ZFHX3: variants seen among roughly 807,000 people sequenced by gnomAD.
ZFHX3 encodes zinc finger homeobox protein 3.
Under a neutral mutation model 279.1 loss-of-function variants are expected in ZFHX3, and 42 were observed. That is an observed-to-expected ratio of 0.15 (90% CI 0.12 to 0.19). The LOEUF (loss-of-function observed/expected upper bound fraction) is 0.19, where lower values mean the gene tolerates loss of function less well. ZFHX3 is among the 10% of genes least tolerant of loss of function. The probability of loss-of-function intolerance (pLI) is 1.00; values close to 1 mark genes in which losing one functional copy is unlikely to be tolerated. For missense variants in ZFHX3, 4,981 were observed against 4,754.0 expected, an observed-to-expected ratio of 1.05 and a Z score of -1.40; for synonymous variants, 2,293 against 1,957.8, an observed-to-expected ratio of 1.17 and a Z score of -4.52.
At chr16:72,853,961 A>G (rs909498950) in intron 4 of ZFHX3, among the ~76,000 whole-genome samples, 7 of 151,962 alleles carry the variant, frequency 4.6e-5, no homozygotes, top group East Asian at 3.9e-4. Context: ...GGAAAAAAAA[A>G]AAAGAAAAGA....
chr16:73,184,765 T>G (rs1309404948), intron 5 of ZFHX3, among the ~76,000 whole-genome samples: 3 of 152,176 alleles, frequency 2.0e-5, no homozygotes, highest in Non-Finnish European at 2.9e-5. Context: ...GAAACCCTAT[T>G]TGGGAGAAAA....
intron 3 of ZFHX3, among the ~76,000 whole-genome samples, chr16:73,383,288 G>A (rs905305847): frequency 6.6e-6 from 1 of 152,216 alleles, no homozygotes; most frequent in African/African-American, 2.4e-5. Flanking sequence ...AGGAACAGCA[G>A]CTGGAGTGAC....
chr16:73,661,666 G>T (rs2052785970), intron 2 of ZFHX3, among the ~76,000 whole-genome samples: 1 of 147,384 alleles, frequency 6.8e-6, no homozygotes, highest in African/African-American at 2.5e-5. Flanking sequence ...AGGTTGCAGT[G>T]AGTTGAGATC....
At chr16:73,697,806 C>G (rs2053211319) in intron 1 of ZFHX3, among the ~76,000 whole-genome samples, 1 of 151,888 alleles carries the variant, frequency 6.6e-6, no homozygotes, top group South Asian at 2.1e-4. Flanking sequence ...AATCTATAAA[C>G]AAATACTGGT....
intron 1 of ZFHX3, among the ~76,000 whole-genome samples, chr16:73,805,233 A>G (rs1394616101): frequency 1.3e-5 from 2 of 152,036 alleles, no homozygotes; most frequent in African/African-American, 2.4e-5. Context: ...CAATGGCACA[A>G]CCTCTGCTCA....
intron 3 of ZFHX3, among the ~76,000 whole-genome samples, chr16:73,365,338 C>T (rs1267360200): frequency 1.3e-5 from 2 of 152,204 alleles, no homozygotes; most frequent in Non-Finnish European, 2.9e-5. Context: ...TCTGAGCTAT[C>T]GGTCCATGTT....
At chr16:73,792,449 T>C (rs1959854357) in intron 1 of ZFHX3, among the ~76,000 whole-genome samples, 2 of 152,084 alleles carry the variant, frequency 1.3e-5, no homozygotes, top group Non-Finnish European at 2.9e-5. Context: ...ACAGAAATAA[T>C]GTGAGATGGA....
chr16:73,723,616 G>C (rs2053494453), intron 1 of ZFHX3, among the ~76,000 whole-genome samples: 1 of 152,078 alleles, frequency 6.6e-6, no homozygotes, highest in Admixed American at 6.5e-5. Flanking sequence ...ATAAAAATAG[G>C]ACTGGGGAAA....
At chr16:73,403,565 A>T (rs2017300654) in intron 3 of ZFHX3, among the ~76,000 whole-genome samples, 1 of 152,030 alleles carries the variant, frequency 6.6e-6, no homozygotes, top group African/African-American at 2.4e-5. Flanking sequence ...TTTTAAAGGC[A>T]AAAAGCAAAA....
At chr16:73,131,059 G>A (rs1489540633) in exon 7 of ZFHX3, 2 of 1,173,902 alleles carry the variant, frequency 1.7e-6, no homozygotes, top group East Asian at 5.7e-5. Flanking sequence ...TCCCTTGCTG[G>A]CTCTTGTTAA....
At chr16:73,462,103 G>GTA (rs2018481220) in intron 2 of ZFHX3, among the ~76,000 whole-genome samples, 1 of 151,986 alleles carries the variant, frequency 6.6e-6, no homozygotes, top group Non-Finnish European at 1.5e-5. Flanking sequence ...TTACACCTGC[G>GTA]TATTTTTTTT....
In ZFHX3 at chr16:73,867,035, G is replaced by A. The variant is rs148304961; in HGVS notation, c.-1608+24616C>T. ...TGTGCTTGGGCTGGGCTATGTCCTTGGCCCAGAGGCATCCCATAGACTGAG... is the reference window on the plus strand; with the variant it reads ...TGTGCTTGGGCTGGGCTATGTCCTTAGCCCAGAGGCATCCCATAGACTGAG... On this transcript the variant is annotated intron_variant, in intron 1 of 17. Coordinates refer to the ZFHX3 transcript ENST00000641206. Among the ~76,000 whole-genome samples, 1,093 of 152,064 alleles carry A rather than the reference G, an allele frequency of 7.2e-3. 15 individuals are homozygous for A. The highest frequency in any genetic ancestry group is 0.025 in the African/African-American group (1,020 of 41,464).
chr16:73,453,593 C>T lies in ZFHX3; in HGVS notation c.-1291+2410G>A, dbSNP rs189567124. Among the ~76,000 whole-genome samples, 295 of 152,274 alleles carry T rather than the reference C, an allele frequency of 1.9e-3. 1 individual carries two copies. The highest frequency in any genetic ancestry group is 0.01 in the Middle Eastern group (3 of 294). On this transcript the variant is annotated intron_variant, in intron 3 of 17. Coordinates refer to the ZFHX3 transcript ENST00000641206. Reference sequence around the variant, plus strand: ...GAGCCAGACATGCAAATGAAGGAACCGTCTCAAACATTTCAGACAGTCCAG... The same window carrying T: ...GAGCCAGACATGCAAATGAAGGAACTGTCTCAAACATTTCAGACAGTCCAG...
At chr16:73,504,328 T>A (rs2019287287) in intron 2 of ZFHX3, 1 of 152,238 alleles carries the variant, frequency 6.6e-6, no homozygotes. Flanking sequence ...ATCAGCTTTT[T>A]TGAAAGGGGA....
chr16:73,326,273 A>G (rs2015687321), intron 3 of ZFHX3, among the ~76,000 whole-genome samples: 1 of 152,198 alleles, frequency 6.6e-6, no homozygotes, highest in Non-Finnish European at 1.5e-5. Flanking sequence ...GAAGGCAGCT[A>G]AAGGACAGAC....
chr16:73,627,495 C>T (rs754405159), intron 2 of ZFHX3, among the ~76,000 whole-genome samples: 1 of 152,212 alleles, frequency 6.6e-6, no homozygotes, highest in African/African-American at 2.4e-5. Flanking sequence ...CAAGAGAAAC[C>T]TGCTTTTTAA....
intron 2 of ZFHX3, among the ~76,000 whole-genome samples, chr16:73,597,917 T>C (rs998534101): frequency 6.6e-6 from 1 of 152,150 alleles, no homozygotes; most frequent in Admixed American, 6.5e-5. Flanking sequence ...AACTGCTGTA[T>C]GAAAAAATGA....
intron 4 of ZFHX3, among the ~76,000 whole-genome samples, chr16:72,848,828 C>T (rs1053959759): frequency 1.3e-5 from 2 of 152,100 alleles, no homozygotes; most frequent in Non-Finnish European, 1.5e-5. Context: ...CCCTTTCCCT[C>T]GTTTCTGCTT....
At chr16:72,816,259 C>G (rs1234395109) in intron 5 of ZFHX3, among the ~76,000 whole-genome samples, 3 of 152,122 alleles carry the variant, frequency 2.0e-5, no homozygotes, top group Non-Finnish European at 2.9e-5. Context: ...GTATTTTTTA[C>G]TTTGCTGGTA....
Sources: allele counts gnomAD v4.1 joint callset (sites outside exome capture counted in the v4.1 genomes callset), GRCh38; gene constraint gnomAD v4.1.1; transcripts MANE v1.5; gene names NCBI Gene and HGNC (gene_info 2026-07-23, HGNC 2026-07-21).